Variants in LGR5 observed in about 807,000 individuals in gnomAD.
The protein encoded by LGR5 is leucine rich repeat containing G protein-coupled receptor 5.
In LGR5, 54 loss-of-function variants were observed where a neutral mutation model predicts 76.7. The observed-to-expected ratio is 0.70, with a 90% confidence interval of 0.57 to 0.88. The LOEUF is 0.88. Ranked by LOEUF, LGR5 falls within the 40% of genes least tolerant of loss-of-function variation. LGR5 has a pLI of 0.00. For missense variants in LGR5, 1,078 were observed against 1,073.3 expected, an observed-to-expected ratio of 1.00 and a Z score of -0.06; for synonymous variants, 406 against 421.9, an observed-to-expected ratio of 0.96 and a Z score of 0.46.
At chr12:71,457,075 TCTCA>T (rs1592457445) in intron 1 of LGR5, among the ~76,000 whole-genome samples, 2 of 152,082 alleles carry the variant, frequency 1.3e-5, no homozygotes, top group Non-Finnish European at 2.9e-5. Context: ...GTCAGATAAA[TCTCA>T]CTCACATTCA....
intron 5 of LGR5, among the ~76,000 whole-genome samples, chr12:71,555,200 T>G (rs1359412408): frequency 6.6e-6 from 1 of 152,228 alleles, no homozygotes; most frequent in Non-Finnish European, 1.5e-5. Context: ...GAAAAGAATT[T>G]TTTGTGATAT....
At chr12:71,534,814 A>G (rs1292024788) in intron 3 of LGR5, among the ~76,000 whole-genome samples, 2 of 152,146 alleles carry the variant, frequency 1.3e-5, no homozygotes, top group African/African-American at 2.4e-5. Context: ...GTTAAATATC[A>G]CCTTTCAGAG....
chr12:71,497,140 C>T (rs1274026056), intron 1 of LGR5, among the ~76,000 whole-genome samples: 2 of 151,414 alleles, frequency 1.3e-5, no homozygotes, highest in Admixed American at 1.3e-4. Context: ...ATAGTGAGAC[C>T]TCATCTCTAC....
intron 2 of LGR5, among the ~76,000 whole-genome samples, chr12:71,517,569 T>A (rs1359012165): frequency 5.9e-5 from 9 of 152,238 alleles, no homozygotes; most frequent in African/African-American, 2.2e-4. Flanking sequence ...GATGATACTG[T>A]CACAGCAGTG....
At chr12:71,551,939 C>G (rs1877504537) in intron 4 of LGR5, among the ~76,000 whole-genome samples, 1 of 152,108 alleles carries the variant, frequency 6.6e-6, no homozygotes, top group Admixed American at 6.5e-5. Flanking sequence ...AGTTTTCAGG[C>G]CTTTCAGTGT....
chr12:71,445,275 T>G (rs919181724), intron 1 of LGR5, among the ~76,000 whole-genome samples: 2 of 152,244 alleles, frequency 1.3e-5, no homozygotes, highest in Non-Finnish European at 1.5e-5. Flanking sequence ...AGCCTCATTT[T>G]GTAGTAGAGA....
chr12:71,444,365 A>G (rs1871893957), intron 1 of LGR5, among the ~76,000 whole-genome samples: 1 of 151,982 alleles, frequency 6.6e-6, no homozygotes, highest in Non-Finnish European at 1.5e-5. Context: ...GATTTTTTCC[A>G]TAGTGTTTTT....
intron 5 of LGR5, 94 bp from the exon 6 acceptor site, chr12:71,556,525 C>A: frequency 1.2e-6 from 1 of 848,888 alleles, no homozygotes. Flanking sequence ...GTAGTGCATT[C>A]TTCAGTATAT....
chr12:71,542,103 C>G (rs2463180), intron 4 of LGR5, among the ~76,000 whole-genome samples: 27,396 of 152,196 alleles, frequency 0.18, 2,959 homozygotes, highest in Admixed American at 0.29. Flanking sequence ...AAGTGTTTCT[C>G]TGTGCATTTA....
chr12:71,575,036 A>AGATCAGG (rs1878788400), intron 13 of LGR5, among the ~76,000 whole-genome samples: 1 of 152,236 alleles, frequency 6.6e-6, no homozygotes, highest in African/African-American at 2.4e-5. Context: ...TCTGAGCACA[A>AGATCAGG]GATCAGGGAC....
intron 1 of LGR5, among the ~76,000 whole-genome samples, chr12:71,442,970 ATTAAGCC>A (rs1180732869): frequency 1.3e-5 from 2 of 152,254 alleles, no homozygotes; most frequent in East Asian, 3.8e-4. Flanking sequence ...CCCAGTAGAA[ATTAAGCC>A]TTGATGAAAA....
intron 1 of LGR5, among the ~76,000 whole-genome samples, chr12:71,469,660 G>T (rs1381213960): frequency 6.6e-6 from 1 of 152,198 alleles, no homozygotes; most frequent in Non-Finnish European, 1.5e-5. Context: ...AAGGATAAAC[G>T]CATGAAGGCT....
intron 3 of LGR5, among the ~76,000 whole-genome samples, chr12:71,530,441 G>C (rs1009323964): frequency 3.3e-5 from 5 of 152,136 alleles, no homozygotes; most frequent in African/African-American, 1.2e-4. Flanking sequence ...AGTAAGGATG[G>C]TAAAGAGGGC....
intron 1 of LGR5, among the ~76,000 whole-genome samples, chr12:71,487,172 T>C (rs998834015): frequency 2.0e-5 from 3 of 152,196 alleles, no homozygotes; most frequent in African/African-American, 7.2e-5. Flanking sequence ...ATCTCTACAT[T>C]TGTACATTAC....
chr12:71,515,738 A>G (rs1592505481), intron 2 of LGR5, among the ~76,000 whole-genome samples: 3 of 152,208 alleles, frequency 2.0e-5, no homozygotes, highest in South Asian at 4.1e-4. Context: ...GTGCTTTGTA[A>G]AAGTTAGAAA....
intron 2 of LGR5, among the ~76,000 whole-genome samples, chr12:71,522,227 G>C (rs41339248): frequency 0.092 from 14,014 of 152,098 alleles, 696 homozygotes; most frequent in Non-Finnish European, 0.11. Flanking sequence ...GAGAGTTTTC[G>C]AATAGGGCAG....
intron 4 of LGR5, among the ~76,000 whole-genome samples, chr12:71,545,493 G>A (rs61100158): frequency 0.058 from 8,848 of 151,974 alleles, 344 homozygotes; most frequent in African/African-American, 0.12. Flanking sequence ...ATATAAAATA[G>A]CAGTATCAGT....
At chr12:71,559,259 C>T (rs1026858664) in intron 6 of LGR5, among the ~76,000 whole-genome samples, 4 of 148,444 alleles carry the variant, frequency 2.7e-5, no homozygotes, top group African/African-American at 7.6e-5. Flanking sequence ...GAGCTCCATC[C>T]GCCAGCCGTC....
intron 2 of LGR5, among the ~76,000 whole-genome samples, chr12:71,506,909 T>A (rs10219766): frequency 0.018 from 2,801 of 152,292 alleles, 98 homozygotes; most frequent in African/African-American, 0.064. Context: ...TTTTTTTGTT[T>A]AAAAAATATC....
Sources: allele counts gnomAD v4.1 joint callset (sites outside exome capture counted in the v4.1 genomes callset), GRCh38; gene constraint gnomAD v4.1.1; transcripts MANE v1.5; gene names NCBI Gene and HGNC (gene_info 2026-07-23, HGNC 2026-07-21).